The following AFF4 variants were observed in gnomAD, a reference collection of about 807,000 sequenced individuals.
The protein encoded by AFF4 is ALF transcription elongation factor 4, also known as AF4/FMR2 family member 4.
Under a neutral mutation model 124.8 loss-of-function variants are expected in AFF4, and 13 were observed. The observed-to-expected ratio is 0.10, with a 90% CI of 0.07 to 0.17. The LOEUF (loss-of-function observed/expected upper bound fraction) is 0.17, where lower values mean the gene tolerates loss of function less well. Ranked by LOEUF, AFF4 falls within the 10% of genes least tolerant of loss-of-function variation. The pLI is 1.00. For missense variants in AFF4, 1,092 were observed against 1,403.8 expected (o/e 0.78, Z 3.55); for synonymous variants, 477 against 496.1 (o/e 0.96, Z 0.51).
intron 18 of AFF4, among the ~76,000 whole-genome samples, chr5:132,885,474 T>TGGGG (rs1561478963): frequency 2.1e-4 from 1 of 4,730 alleles, no homozygotes; most frequent in African/African-American, 8.6e-4. Context: ...AAGGGGTGGG[T>TGGGG]GGGTGGGTGG....
chr5:132,875,883 G>C lies in AFF4; in HGVS notation c.*5176C>G, dbSNP rs1456882748. On this transcript the variant is annotated 3_prime_UTR_variant, in exon 21 of 21. Coordinates refer to ENST00000265343, the MANE Select transcript of AFF4 (RefSeq NM_014423.4). The stretch of plus-strand genomic sequence containing the variant: ...AGATTTGGTTCATGTACAAAACAAA[G>C]GCATCCTTATCAGTCACTAACAGTA... 2 of 224,622 alleles carry C rather than the reference G, an allele frequency of 8.9e-6. No individual in the cohort carries two copies. Among genetic ancestry groups the C allele is most frequent in the African/African-American group, 4.5e-5 (2 of 44,844 alleles). The allele number at this position is 224,622 out of a possible 1,614,324, so 13.9% of individuals were successfully genotyped here.
chr5:132,900,790 T>A (rs1164268091), intron 7 of AFF4: 1 of 854,068 alleles, frequency 1.2e-6, no homozygotes, highest in East Asian at 1.2e-4. Context: ...TCTTTTTACA[T>A]GGGAGGAAAA....
intron 18 of AFF4, 50 bp downstream of exon 18, chr5:132,886,260 C>A: frequency 6.5e-7 from 1 of 1,540,522 alleles, no homozygotes; most frequent in Non-Finnish European, 8.9e-7. Context: ...GGATGGGAGA[C>A]TACAAATTCT....
chr5:132,893,962 G>A (rs1054169310), intron 11 of AFF4, among the ~76,000 whole-genome samples: 1 of 152,110 alleles, frequency 6.6e-6, no homozygotes, highest in Non-Finnish European at 1.5e-5. Flanking sequence ...CTTTCATTTA[G>A]TGTAACATTT....
intron 20 of AFF4, among the ~76,000 whole-genome samples, chr5:132,882,281 A>T (rs1031251004): frequency 6.6e-6 from 1 of 151,878 alleles, no homozygotes; most frequent in African/African-American, 2.4e-5. Context: ...TAGGGATAGG[A>T]ATCTTTCATT....
At chr5:132,926,947 C>T in intron 5 of AFF4, 174 bp downstream of exon 5, 1 of 553,080 alleles carries the variant, frequency 1.8e-6, no homozygotes. Context: ...GTTCCATTAC[C>T]CTGCTAATTA....
At chr5:132,912,878 CACACAA>C (rs1760826111) in intron 5 of AFF4, among the ~76,000 whole-genome samples, 1 of 151,434 alleles carries the variant, frequency 6.6e-6, no homozygotes, top group African/African-American at 2.4e-5. Flanking sequence ...CACACACACA[CACACAA>C]AAGGGCTGAT....
chr5:132,878,989 C>G lies in AFF4; in HGVS notation c.*2070G>C. ...GACATAACATGTATTTGATTAACAA[C>G]CATTATTTCTTACTAAATAACTATC... On this transcript the variant is annotated 3_prime_UTR_variant, in exon 21 of 21. Coordinates refer to ENST00000265343, the MANE Select transcript of AFF4 (RefSeq NM_014423.4). The G allele has an allele frequency of 4.5e-6, 1 of 222,008 alleles. No individual in the cohort carries two copies. Among genetic ancestry groups the G allele is most frequent in the East Asian group, 6.7e-5 (1 of 15,008 alleles). 13.8% of individuals were successfully genotyped at this position (222,008 alleles called of 1,614,324 possible).
At chr5:132,961,234 G>C (rs904294078) in intron 1 of AFF4, among the ~76,000 whole-genome samples, 1 of 151,912 alleles carries the variant, frequency 6.6e-6, no homozygotes, top group Non-Finnish European at 1.5e-5. Context: ...TCGCCTCCCA[G>C]TTCAAGCGAT....
At chr5:132,891,088 A>G (rs979672981) in intron 13 of AFF4, among the ~76,000 whole-genome samples, 1 of 151,974 alleles carries the variant, frequency 6.6e-6, no homozygotes, top group African/African-American at 2.4e-5. Flanking sequence ...AGAGGCCTCA[A>G]ATCCTACAGT....
intron 5 of AFF4, among the ~76,000 whole-genome samples, chr5:132,924,581 G>A (rs1024676693): frequency 5.3e-5 from 8 of 152,148 alleles, no homozygotes; most frequent in South Asian, 2.1e-4. Context: ...GGCTGGGCGC[G>A]GTGGCTCACG....
chr5:132,948,667 A>G (rs2150108986), intron 1 of AFF4: 1 of 188,426 alleles, frequency 5.3e-6, no homozygotes, highest in Non-Finnish European at 1.2e-5. Context: ...CTCTCTATAG[A>G]CCATGACTGA....
intron 1 of AFF4, among the ~76,000 whole-genome samples, chr5:132,959,121 T>G (rs924190608): frequency 2.8e-5 from 4 of 140,596 alleles, no homozygotes; most frequent in Admixed American, 1.5e-4. Context: ...ATTCCTCAGG[T>G]TACAGATTTT....
Position 132,883,399 on chromosome 5 carries a change from T to C in AFF4, c.3305A>G (p.Asn1102Ser), listed in dbSNP as rs1200286510. 17 of 1,613,970 alleles carry C rather than the reference T, an allele frequency of 1.1e-5. No individual in the cohort carries two copies. The highest frequency in any genetic ancestry group is 1.4e-5 in the Non-Finnish European group (16 of 1,180,016). ...CCAAATTTCGGTGGCATAGAGGAAG[T>C]TGGATGTGACCTGAACATAGCTGGC... ...MAASYVQVTS[N>S]FLYATEIWDQ... Residue 1102 changes from asparagine (N) to serine (S), a missense_variant, in exon 20 of 21, where the codon AAC (asparagine) becomes AGC (serine). By Grantham distance (46) the Asn-to-Ser change is conservative. Coordinates refer to ENST00000265343, the MANE Select transcript of AFF4 (RefSeq NM_014423.4).
chr5:132,892,957 T>C, intron 12 of AFF4, 73 bp downstream of exon 12: 1 of 1,412,122 alleles, frequency 7.1e-7, no homozygotes, highest in Non-Finnish European at 1.0e-6. Context: ...TCAGAGCATG[T>C]CAGAAAGTAC....
chr5:132,934,080 G>A lies in AFF4; in HGVS notation c.918+67C>T, dbSNP rs947556126. 4.7e-6 allele frequency: 7 copies of A among 1,493,132 alleles called. No homozygotes were observed. The African/African-American group carries it at 7.0e-5, about 15-fold the overall frequency. 92.5% of individuals were successfully genotyped at this position (1,493,132 alleles called of 1,614,324 possible). A position where few individuals can be genotyped will look rare whatever the true frequency, so the allele number is the denominator to read the frequency against. On this transcript the variant is annotated intron_variant, in intron 3 of 20. Coordinates refer to ENST00000265343, the MANE Select transcript of AFF4 (RefSeq NM_014423.4). The stretch of plus-strand genomic sequence containing the variant: ...AAGGAAGCAGTGTTCAAGTTCAATC[G>A]TAATTTCATGATCAGTCAATTGCTT...
intron 3 of AFF4, among the ~76,000 whole-genome samples, chr5:132,932,923 A>G (rs1285169263): frequency 3.9e-5 from 6 of 152,250 alleles, no homozygotes; most frequent in African/African-American, 1.2e-4. Flanking sequence ...GAGTAATCAG[A>G]TAACAAATGC....
chr5:132,927,494 C>T (rs986187297), intron 4 of AFF4: 7 of 301,972 alleles, frequency 2.3e-5, no homozygotes, highest in East Asian at 9.1e-5. Context: ...CATAATAAAA[C>T]GCTAATCAGG....
chr5:132,893,776 C>A (rs1161969193), intron 11 of AFF4, among the ~76,000 whole-genome samples: 1 of 152,300 alleles, frequency 6.6e-6, no homozygotes, highest in East Asian at 1.9e-4. Flanking sequence ...CTGCACCCGG[C>A]TTAATGAATT....
Sources: allele counts gnomAD v4.1 joint callset (sites outside exome capture counted in the v4.1 genomes callset), GRCh38; gene constraint gnomAD v4.1.1; transcripts MANE v1.5; gene names NCBI Gene and HGNC (gene_info 2026-07-23, HGNC 2026-07-21).